SLF1: variants seen among roughly 807,000 people sequenced by gnomAD.
The protein encoded by SLF1 is SMC5/6 complex localization factor 1.
SLF1 carries 105 observed loss-of-function variants against 123.0 expected under a neutral mutation model. That is an observed-to-expected ratio of 0.85 (90% confidence interval 0.73 to 1.00). The LOEUF is 1.00. SLF1 is among the 50% of genes least tolerant of loss of function. The pLI is 0.00. For synonymous variants in SLF1, 434 were observed against 406.6 expected (o/e 1.07, Z -0.81); for missense variants, 1,239 against 1,223.0 (o/e 1.01, Z -0.20).
At chr5:94,628,483 A>G (rs1294958399) in intron 1 of SLF1, among the ~76,000 whole-genome samples, 1 of 152,232 alleles carries the variant, frequency 6.6e-6, no homozygotes, top group Non-Finnish European at 1.5e-5. Context: ...TTATGCCAGT[A>G]TTTGTATAAC....
chr5:94,653,149 G>A (rs896611714), intron 7 of SLF1, 123 bp from the exon 8 acceptor site: 7 of 955,952 alleles, frequency 7.3e-6, no homozygotes, highest in East Asian at 3.3e-5. Flanking sequence ...GAGCCACCGC[G>A]CCCGGCCGTA....
intron 1 of SLF1, among the ~76,000 whole-genome samples, chr5:94,620,340 A>G (rs144105206): frequency 2.3e-4 from 35 of 152,376 alleles, no homozygotes; most frequent in African/African-American, 7.5e-4. Context: ...TGAATTATAT[A>G]ACCTAACATT....
At position 94,678,816 on chromosome 5, in the gene SLF1, A is replaced by C; in HGVS notation, c.1836A>C (p.Lys612Asn). 1 of 1,612,580 alleles carries C rather than the reference A, an allele frequency of 6.2e-7. No homozygotes were observed. The highest frequency in any genetic ancestry group is 1.7e-5 in the Admixed American group (1 of 60,004). Residue 612 changes from lysine to asparagine, a missense_variant, in exon 15 of 21, where the codon AAA becomes AAC. Physicochemically the swap from Lys to Asn is moderately conservative, Grantham distance 94. Transcript: ENST00000265140. ...TTGTATCTTAATGTTAGGTCTTCAA[A>C]CATGAACTAGCTTACTTATTGGCTG... is the stretch of plus-strand genomic sequence containing the variant. ...KEKFKSNDVFKHELAYLLAGI... is the reference protein window; with the variant it reads ...KEKFKSNDVFNHELAYLLAGI...
At chr5:94,647,494 C>T (rs1747195553) in intron 5 of SLF1, among the ~76,000 whole-genome samples, 1 of 152,214 alleles carries the variant, frequency 6.6e-6, no homozygotes, top group African/African-American at 2.4e-5. Context: ...ATTGCCACAA[C>T]TGTGTTGCCC....
At chr5:94,687,161 TTC>T (rs1211901038) in intron 16 of SLF1, among the ~76,000 whole-genome samples, 1 of 152,208 alleles carries the variant, frequency 6.6e-6, no homozygotes, top group Non-Finnish European at 1.5e-5. Flanking sequence ...GCTAGTATAT[TTC>T]TGTCTCTAAT....
intron 9 of SLF1, among the ~76,000 whole-genome samples, chr5:94,660,048 G>T (rs1428122807): frequency 6.6e-6 from 1 of 152,162 alleles, no homozygotes; most frequent in African/African-American, 2.4e-5. Context: ...CTAGTTGTTT[G>T]CATAGGTGCT....
chr5:94,625,888 G>T lies in SLF1; in HGVS notation c.1-2923G>T, dbSNP rs552067364. 2.0e-5 allele frequency among the ~76,000 whole-genome samples: 3 copies of T among 152,008 alleles called. No individual in the cohort carries two copies. In the South Asian group the frequency reaches 6.2e-4, roughly 32 times the overall value. On this transcript the variant is annotated intron_variant, in intron 1 of 20. Coordinates refer to ENST00000265140, the MANE Select transcript of SLF1 (RefSeq NM_032290.4). ...ATATTCTTCATAGTTTTTATGTATT[G>T]CTGGTCCATATTGTTAATGGTTATT...
At chr5:94,678,078 G>T (rs1185010472) in intron 14 of SLF1, among the ~76,000 whole-genome samples, 1 of 151,986 alleles carries the variant, frequency 6.6e-6, no homozygotes, top group Non-Finnish European at 1.5e-5. Context: ...CCGCCACCAC[G>T]CCCGGCTAAC....
chr5:94,644,433 A>C (rs539893359), intron 5 of SLF1, among the ~76,000 whole-genome samples: 1 of 152,276 alleles, frequency 6.6e-6, no homozygotes, highest in East Asian at 1.9e-4. Context: ...TAAATCTCTA[A>C]TACGGCTTAC....
Position 94,643,346 on chromosome 5 carries a change from A to C in SLF1, c.505A>C (p.Ser169Arg). ...AAGTGGAATAACTCATGTGATTGCCAGTAATGCAAGAATTAAAGCTGAGAA... is the reference window on the plus strand; with the variant it reads ...AAGTGGAATAACTCATGTGATTGCCCGTAATGCAAGAATTAAAGCTGAGAA... Reference protein sequence around the residue: ...SPSGITHVIASNARIKAEKEK... With the variant: ...SPSGITHVIARNARIKAEKEK... Residue 169 changes from serine (S) to arginine (R), a missense_variant, in exon 5 of 21, where the codon AGT (serine) becomes CGT (arginine). Physicochemically the swap from Ser to Arg is moderately radical, Grantham distance 110. Coordinates refer to ENST00000265140, the MANE Select transcript of SLF1 (RefSeq NM_032290.4). 1 of 1,545,772 alleles carries C rather than the reference A, an allele frequency of 6.5e-7. No individual in the cohort carries two copies. Among genetic ancestry groups the C allele is most frequent in the Middle Eastern group, 1.7e-4 (1 of 5,966 alleles).
At chr5:94,677,461 G>A (rs1050072096) in intron 14 of SLF1, among the ~76,000 whole-genome samples, 21 of 151,996 alleles carry the variant, frequency 1.4e-4, no homozygotes, top group Non-Finnish European at 2.2e-4. Context: ...CTTTTATACT[G>A]TAATCTTTTA....
At chr5:94,625,465 C>G (rs910920272) in intron 1 of SLF1, among the ~76,000 whole-genome samples, 1 of 151,624 alleles carries the variant, frequency 6.6e-6, no homozygotes, top group African/African-American at 2.4e-5. Context: ...CTCACTGCAA[C>G]CTCCGCCTCC....
At chr5:94,641,103 G>A (rs1746388392) in intron 4 of SLF1, among the ~76,000 whole-genome samples, 1 of 152,144 alleles carries the variant, frequency 6.6e-6, no homozygotes, top group Admixed American at 6.5e-5. Context: ...TACCTCTTCT[G>A]TAAGGTGGTT....
intron 1 of SLF1, among the ~76,000 whole-genome samples, chr5:94,625,319 A>G (rs1221445901): frequency 5.3e-5 from 8 of 152,084 alleles, no homozygotes; most frequent in East Asian, 1.9e-4. Flanking sequence ...TCACAGATAT[A>G]TTGGATTTCA....
rs556088362 is a variant in SLF1, at chr5:94,666,020, A to G, written c.1528A>G (p.Ile510Val). Residue 510 changes from isoleucine to valine, a missense_variant, in exon 12 of 21, where the codon ATC (isoleucine) becomes GTC (valine). Coordinates refer to ENST00000265140, the MANE Select transcript of SLF1 (RefSeq NM_032290.4). ...KGAWSLVEVLIRSCLFNESFC... is the reference protein window; with the variant it reads ...KGAWSLVEVLVRSCLFNESFC... ...AGCATGGTCTTTAGTAGAAGTCCTT[A>G]TCAGGTAAGGAATTTCACATTTGAC... 5.4e-5 allele frequency: 84 copies of G among 1,546,842 alleles called. No individual in the cohort carries two copies. The highest frequency in any genetic ancestry group is 3.2e-4 in the Admixed American group (16 of 50,454).
At chr5:94,692,592 A>G (rs900758031) in intron 20 of SLF1, among the ~76,000 whole-genome samples, 15 of 152,092 alleles carry the variant, frequency 9.9e-5, no homozygotes, top group African/African-American at 3.1e-4. Flanking sequence ...CATTTCTGAA[A>G]GCTTATTGAT....
intron 1 of SLF1, among the ~76,000 whole-genome samples, chr5:94,627,576 T>G (rs565759460): frequency 1.1e-5 from 1 of 93,166 alleles, no homozygotes; most frequent in Admixed American, 1.1e-4. Context: ...TTGTAAATGA[T>G]GAAATTAACA....
intron 14 of SLF1, among the ~76,000 whole-genome samples, chr5:94,674,558 G>GA (rs916958582): frequency 6.6e-6 from 1 of 152,128 alleles, no homozygotes; most frequent in African/African-American, 2.4e-5. Flanking sequence ...CCAGTTTCAA[G>GA]AATTCCATGC....
chr5:94,628,760 G>C, intron 1 of SLF1, 51 bp from the exon 2 acceptor site: 1 of 1,228,648 alleles, frequency 8.1e-7, no homozygotes, highest in Non-Finnish European at 1.1e-6. Flanking sequence ...TGTCAACCCT[G>C]TGAATAATAT....
Sources: allele counts gnomAD v4.1 joint callset (sites outside exome capture counted in the v4.1 genomes callset), GRCh38; gene constraint gnomAD v4.1.1; transcripts MANE v1.5; gene names NCBI Gene and HGNC (gene_info 2026-07-23, HGNC 2026-07-21).